The following GPC5 variants were observed in gnomAD, a reference collection of about 807,000 sequenced individuals.
GPC5 encodes the protein glypican 5.
A neutral mutation model predicts 53.9 loss-of-function variants in GPC5; 47 were observed. The ratio of observed to expected loss-of-function variants is 0.87; its 90% confidence interval spans 0.69 to 1.11. The LOEUF (loss-of-function observed/expected upper bound fraction) is 1.11, where lower values mean the gene tolerates loss of function less well. Ranked by LOEUF, GPC5 falls within the 50% of genes most tolerant of loss-of-function variation. The pLI is 0.00. For missense variants in GPC5, 748 were observed against 713.1 expected (o/e 1.05, Z -0.56); for synonymous variants, 286 against 263.3 (o/e 1.09, Z -0.84).
intron 1 of GPC5, among the ~76,000 whole-genome samples, chr13:91,445,874 T>TG (rs999031692): frequency 4.6e-5 from 7 of 152,176 alleles, no homozygotes; most frequent in Non-Finnish European, 1.0e-4. Context: ...CATGGTTAAA[T>TG]GGGGAGCTAC....
At chr13:92,196,155 C>T (rs2042255376) in intron 7 of GPC5, among the ~76,000 whole-genome samples, 2 of 150,262 alleles carry the variant, frequency 1.3e-5, no homozygotes, top group South Asian at 2.1e-4. Flanking sequence ...AAGATGTATC[C>T]CCTTGAAAAA....
At chr13:92,700,226 TTA>T (rs1337448091) in intron 7 of GPC5, among the ~76,000 whole-genome samples, 1 of 151,978 alleles carries the variant, frequency 6.6e-6, no homozygotes, top group African/African-American at 2.4e-5. Flanking sequence ...GAAGTCTGTT[TTA>T]TCAGAGACTG....
At position 91,794,843 on chromosome 13, in the gene GPC5, C is replaced by G. The variant is rs1205586183; in HGVS notation, c.1280+38423C>G. Among the ~76,000 whole-genome samples, 2 of 152,054 alleles carry G rather than the reference C, an allele frequency of 1.3e-5. 1 individual carries two copies. Among genetic ancestry groups the G allele is most frequent in the Non-Finnish European group, 2.9e-5 (2 of 68,012 alleles). On this transcript the variant is annotated intron_variant, in intron 5 of 7. Coordinates refer to ENST00000377067, the MANE Select transcript of GPC5 (RefSeq NM_004466.6). ...TTTATAGGTGTGTCTTCCCCATTAT[C>G]CAGAGAGAGAATTGAGTAAGTAGTT...
At chr13:92,134,400 C>T (rs1278905266) in intron 6 of GPC5, among the ~76,000 whole-genome samples, 3 of 152,034 alleles carry the variant, frequency 2.0e-5, no homozygotes, top group Non-Finnish European at 4.4e-5. Context: ...GAAAACATAT[C>T]TTCAAATATA....
intron 2 of GPC5, among the ~76,000 whole-genome samples, chr13:91,630,837 T>C (rs1350779698): frequency 1.3e-5 from 2 of 152,108 alleles, no homozygotes; most frequent in Admixed American, 6.5e-5. Flanking sequence ...TTTCTTTTGT[T>C]TTTTTGTTTT....
intron 2 of GPC5, among the ~76,000 whole-genome samples, chr13:91,502,728 T>A (rs553514809): frequency 1.3e-4 from 20 of 152,346 alleles, no homozygotes; most frequent in African/African-American, 4.6e-4. Flanking sequence ...CATGGAGCCT[T>A]TATAGCATGG....
intron 5 of GPC5, among the ~76,000 whole-genome samples, chr13:91,818,682 C>T (rs1346660095): frequency 2.0e-5 from 3 of 152,088 alleles, no homozygotes; most frequent in Non-Finnish European, 4.4e-5. Flanking sequence ...TGTGCTAGGC[C>T]CTCCAGAAAC....
At chr13:92,632,050 G>C (rs1441171600) in intron 7 of GPC5, among the ~76,000 whole-genome samples, 1 of 152,124 alleles carries the variant, frequency 6.6e-6, no homozygotes, top group Non-Finnish European at 1.5e-5. Context: ...CCTCTAGATA[G>C]ACTAAACTGG....
intron 2 of GPC5, among the ~76,000 whole-genome samples, chr13:91,644,947 A>T (rs2034523418): frequency 6.6e-6 from 1 of 152,374 alleles, no homozygotes; most frequent in East Asian, 1.9e-4. Context: ...AACCAAATTC[A>T]TTGGGCAATG....
intron 6 of GPC5, among the ~76,000 whole-genome samples, chr13:91,912,203 TAGAC>T (rs978758090): frequency 6.6e-6 from 1 of 152,178 alleles, no homozygotes; most frequent in Admixed American, 6.5e-5. Flanking sequence ...TGTATATACT[TAGAC>T]AGTTGATCTA....
At position 92,867,143 on chromosome 13, in the gene GPC5, T is replaced by C. The variant is rs972558303; in HGVS notation, c.*704T>C. 4.6e-5 allele frequency: 7 copies of C among 152,096 alleles called. No homozygotes were observed. The highest frequency in any genetic ancestry group is 1.7e-4 in the African/African-American group (7 of 41,436). The allele number at this position is 152,096 out of a possible 1,614,324, so 9.4% of individuals were successfully genotyped here. A position where few individuals can be genotyped will look rare whatever the true frequency, so the allele number is the denominator to read the frequency against. The stretch of plus-strand genomic sequence containing the variant: ...CTTTGGTATTGTGCCTCTGCTCCCA[T>C]CTCTCTCTTTGCCTCATAGATTTAG... On this transcript the variant is annotated 3_prime_UTR_variant, in exon 8 of 8. Coordinates refer to ENST00000377067, the MANE Select transcript of GPC5 (RefSeq NM_004466.6).
intron 3 of GPC5, among the ~76,000 whole-genome samples, chr13:91,702,057 A>G (rs1034402700): frequency 8.5e-5 from 13 of 152,084 alleles, no homozygotes; most frequent in Admixed American, 6.5e-5. Context: ...ATGATATTAA[A>G]CATTTAAACA....
At chr13:92,714,314 G>C (rs1025175073) in intron 7 of GPC5, among the ~76,000 whole-genome samples, 3 of 152,212 alleles carry the variant, frequency 2.0e-5, no homozygotes, top group Non-Finnish European at 4.4e-5. Context: ...AATCAGAGCA[G>C]TGGGAACTGT....
At chr13:92,188,588 C>T (rs1294999001) in intron 7 of GPC5, among the ~76,000 whole-genome samples, 1 of 152,120 alleles carries the variant, frequency 6.6e-6, no homozygotes, top group African/African-American at 2.4e-5. Flanking sequence ...CTATGATGCT[C>T]ATTGTTTAAA....
chr13:91,786,946 T>TG (rs749695542), intron 5 of GPC5, among the ~76,000 whole-genome samples: 4 of 6,508 alleles, frequency 6.1e-4, no homozygotes, highest in South Asian at 0.017. Context: ...AGTGTTTCTC[T>TG]TTTTTTTTTT....
chr13:91,447,588 G>A (rs1037827789), intron 1 of GPC5, among the ~76,000 whole-genome samples: 8 of 152,086 alleles, frequency 5.3e-5, no homozygotes, highest in African/African-American at 1.7e-4. Context: ...ATTTTCAGCT[G>A]ACCCAGAACC....
intron 5 of GPC5, among the ~76,000 whole-genome samples, chr13:91,903,194 G>A (rs893484109): frequency 6.6e-6 from 1 of 151,926 alleles, no homozygotes; most frequent in Non-Finnish European, 1.5e-5. Flanking sequence ...CATAGAATAT[G>A]TTCTGTATCT....
At chr13:91,924,689 C>G (rs112629441) in intron 6 of GPC5, among the ~76,000 whole-genome samples, 2,251 of 151,928 alleles carry the variant, frequency 0.015, 47 homozygotes, top group African/African-American at 0.052. Flanking sequence ...TGTGGTGAGC[C>G]GTGATTATGC....
At chr13:91,923,415 AG>A (rs1338146838) in intron 6 of GPC5, among the ~76,000 whole-genome samples, 8 of 152,326 alleles carry the variant, frequency 5.3e-5, no homozygotes, top group Admixed American at 3.9e-4. Flanking sequence ...CCTTGAAAGC[AG>A]GCTGACTTAT....
Sources: gnomAD v4.1 joint callset for allele counts (sites outside exome capture counted in the v4.1 genomes callset) on GRCh38, gnomAD v4.1.1 for gene constraint, MANE v1.5 for transcripts, NCBI Gene and HGNC (gene_info 2026-07-23, HGNC 2026-07-21) for gene names.